Variants in CACNG6 observed in about 807,000 individuals in gnomAD.
CACNG6 encodes the protein voltage-dependent calcium channel gamma-6 subunit.
A neutral mutation model predicts 23.9 loss-of-function variants in CACNG6; 21 were observed. The observed-to-expected ratio is 0.88, with a 90% CI of 0.62 to 1.26. The LOEUF (loss-of-function observed/expected upper bound fraction) is 1.26, where lower values mean the gene tolerates loss of function less well. Among genes scored for constraint, CACNG6 ranks in the 50% most tolerant of loss-of-function variants. The probability of loss-of-function intolerance (pLI) is 0.00; values close to 1 mark genes in which losing one functional copy is unlikely to be tolerated. For missense variants in CACNG6, 340 were observed against 352.9 expected, an observed-to-expected ratio of 0.96 and a Z score of 0.29; for synonymous variants, 182 against 168.9, an observed-to-expected ratio of 1.08 and a Z score of -0.60.
In CACNG6 at chr19:54,002,275, G is replaced by GTTTTTTTTTTTTTTTTTTTTT. The variant is rs1174799698; in HGVS notation, c.544+2512_544+2513insTTTTTTTTTTTTTTTTTTTTT. Among the ~76,000 whole-genome samples, 14 of 116,434 alleles carry GTTTTTTTTTTTTTTTTTTTTT rather than the reference G, an allele frequency of 1.2e-4. 1 individual carries two copies. The highest frequency in any genetic ancestry group is 2.3e-4 in the African/African-American group (5 of 21,586). The allele number at this position is 116,434 out of a possible 152,430, so 76.4% of individuals were successfully genotyped here. A position where few individuals can be genotyped will look rare whatever the true frequency, so the allele number is the denominator to read the frequency against. On this transcript the variant is annotated intron_variant, in intron 3 of 3. Coordinates refer to ENST00000252729, the MANE Select transcript of CACNG6 (RefSeq NM_145814.2). The stretch of plus-strand genomic sequence containing the variant: ...AGCCCGGCTAATTTTCGGTTTTTTT[G>GTTTTTTTTTTTTTTTTTTTTT]TTTTTTTTGTTTTTTTTTTTTTTGT...
In CACNG6 at chr19:54,004,335, T is replaced by TGTG. The variant is rs1411422394; in HGVS notation, c.544+4564_544+4565insGTG. Among the ~76,000 whole-genome samples the TGTG allele has an allele frequency of 3.9e-3, 420 of 107,320 alleles. 14 individuals carry two copies. Among genetic ancestry groups the TGTG allele is most frequent in the African/African-American group, 0.016 (394 of 25,278 alleles). The allele number at this position is 107,320 out of a possible 152,430, so 70.4% of individuals were successfully genotyped here. A position where few individuals can be genotyped will look rare whatever the true frequency, so the allele number is the denominator to read the frequency against. On this transcript the variant is annotated intron_variant, in intron 3 of 3. Coordinates refer to ENST00000252729, the MANE Select transcript of CACNG6 (RefSeq NM_145814.2). ...ACCACGCCTGGTTAATTTTGTATTT[T>TGTG]TGTGTGTGTGTGTGTGTGTGTGTGT...
chr19:53,996,316 C>T lies in CACNG6; in HGVS notation c.332-1923C>T, dbSNP rs74500210. 5.0e-3 allele frequency among the ~76,000 whole-genome samples: 760 copies of T among 151,038 alleles called. 20 individuals carry two copies. In the East Asian group the frequency reaches 0.055, roughly 11 times the overall value. ...TCTAAAATGCACTTCAGAAAGTGCT[C>T]CCCTCCCTTCCTTCATTTCTCCTTC... On this transcript the variant is annotated intron_variant, in intron 1 of 3. Coordinates refer to ENST00000252729, the MANE Select transcript of CACNG6 (RefSeq NM_145814.2).
Position 54,012,174 on chromosome 19 carries a change from G to T in CACNG6, c.768G>T (p.Gly256=), listed in dbSNP as rs766454497. Residue 256 remains glycine (G), a synonymous_variant, in exon 4 of 4, where the codon GGG becomes GGT. Coordinates refer to ENST00000252729, the MANE Select transcript of CACNG6 (RefSeq NM_145814.2). The part of the protein sequence containing the change: ...WPWGSLCPKR[G]HRAT ...GGGGGTCCCTCTGTCCCAAGCGGGG[G>T]CACCGGGCCACCTAGAGCCACGCGT... 2.1e-6 allele frequency: 3 copies of T among 1,420,614 alleles called. No homozygotes were observed. The highest frequency in any genetic ancestry group is 1.9e-6 in the Non-Finnish European group (2 of 1,072,358). The allele number at this position is 1,420,614 out of a possible 1,614,324, so 88.0% of individuals were successfully genotyped here. A position where few individuals can be genotyped will look rare whatever the true frequency, so the allele number is the denominator to read the frequency against.
chr19:53,997,150 G>A (rs71365418), intron 1 of CACNG6, among the ~76,000 whole-genome samples: 10,455 of 152,086 alleles, frequency 0.069, 569 homozygotes, highest in East Asian at 0.21. Context: ...GATTACAGGT[G>A]TGAGCCACCT....
intron 3 of CACNG6, among the ~76,000 whole-genome samples, chr19:54,008,878 G>A (rs1480005424): frequency 6.6e-6 from 1 of 152,164 alleles, no homozygotes; most frequent in Non-Finnish European, 1.5e-5. Flanking sequence ...TTGCAACCTG[G>A]CAGCCTGCAG....
intron 3 of CACNG6, among the ~76,000 whole-genome samples, chr19:54,002,873 G>A (rs1216366708): frequency 6.6e-6 from 1 of 152,134 alleles, no homozygotes; most frequent in Non-Finnish European, 1.5e-5. Context: ...TGTTCAGGTT[G>A]TCTTGTTTCT....
upstream of CACNG6, among the ~76,000 whole-genome samples, chr19:53,991,400 G>GCGC (rs1421048496): frequency 1.3e-5 from 2 of 151,650 alleles, no homozygotes; most frequent in East Asian, 3.9e-4. Flanking sequence ...GGGACTCTCG[G>GCGC]CGCCGCTCTT....
In CACNG6 at chr19:53,993,217, C is replaced by T; in HGVS notation, c.331+9C>T. On this transcript the variant is annotated intron_variant, in intron 1 of 3. Transcript: ENST00000252729. ...CGCGGAGCTGCCCGGAGGTGAGCAGCCGCCGCCCCGAGCGCAGGGCTTGCG... is the reference window on the plus strand; with the variant it reads ...CGCGGAGCTGCCCGGAGGTGAGCAGTCGCCGCCCCGAGCGCAGGGCTTGCG... 6.5e-7 allele frequency: 1 copy of T among 1,531,108 alleles called. No individual in the cohort carries two copies. The highest frequency in any genetic ancestry group is 8.8e-7 in the Non-Finnish European group (1 of 1,142,814). 94.8% of individuals were successfully genotyped at this position (1,531,108 alleles called of 1,614,324 possible).
At chr19:53,999,561 G>C in intron 2 of CACNG6, 73 bp from the exon 3 acceptor site, 1 of 1,525,478 alleles carries the variant, frequency 6.6e-7, no homozygotes, top group Non-Finnish European at 8.8e-7. Flanking sequence ...CCTGGTTCTG[G>C]GTTCCTATGG....
intron 3 of CACNG6, among the ~76,000 whole-genome samples, chr19:54,002,245 C>T (rs1264057126): frequency 1.3e-5 from 2 of 151,062 alleles, no homozygotes; most frequent in African/African-American, 2.4e-5. Flanking sequence ...AGGTGCATGC[C>T]GCCAAGCCCG....
At chr19:54,004,335 TTGTGTGTGTGTG>T (rs4022332) in intron 3 of CACNG6, among the ~76,000 whole-genome samples, 4,128 of 107,234 alleles carry the variant, frequency 0.038, 108 homozygotes, top group East Asian at 0.093. Context: ...TTTTGTATTT[TTGTGTGTGTGTG>T]TGTGTGTGTG....
intron 1 of CACNG6, among the ~76,000 whole-genome samples, chr19:53,996,863 ATTT>A (rs35192974): frequency 6.1e-5 from 6 of 98,558 alleles, no homozygotes; most frequent in South Asian, 3.2e-4. Context: ...GATCTTTGGG[ATTT>A]TTTTTTTTTT....
intron 2 of CACNG6, among the ~76,000 whole-genome samples, chr19:53,999,430 G>A (rs1017891246): frequency 6.6e-6 from 1 of 152,134 alleles, no homozygotes; most frequent in East Asian, 1.9e-4. Context: ...CCTTTGCTCA[G>A]TGACTTTAGA....
At chr19:54,002,081 A>ATC (rs1182364370) in intron 3 of CACNG6, among the ~76,000 whole-genome samples, 1 of 145,154 alleles carries the variant, frequency 6.9e-6, no homozygotes, top group Non-Finnish European at 1.5e-5. Context: ...GTCTCTTTCT[A>ATC]TCTCTCTCTT....
chr19:54,011,907 TG>T, intron 3 of CACNG6, 43 bp from the exon 4 acceptor site: 1 of 1,346,566 alleles, frequency 7.4e-7, no homozygotes, highest in Non-Finnish European at 9.8e-7. Context: ...CAGACACAGC[TG>T]GGGTCGCGGG....
intron 3 of CACNG6, among the ~76,000 whole-genome samples, chr19:54,002,284 G>GTTTTTTTTTTTTTTTTTTTTTTTTTT (rs139176353): frequency 1.7e-5 from 2 of 117,428 alleles, no homozygotes; most frequent in Non-Finnish European, 3.3e-5. Context: ...TGTTTTTTTT[G>GTTTTTTTTTTTTTTTTTTTTTTTTTT]TTTTTTTTTT....
At chr19:53,997,402 A>C (rs2145955575) in intron 1 of CACNG6, among the ~76,000 whole-genome samples, 1 of 151,846 alleles carries the variant, frequency 6.6e-6, no homozygotes, top group South Asian at 2.1e-4. Context: ...GCTGCTGTAA[A>C]CATCTGCATA....
chr19:54,004,677 C>T (rs1031112698), intron 3 of CACNG6, among the ~76,000 whole-genome samples: 3 of 152,132 alleles, frequency 2.0e-5, no homozygotes, highest in African/African-American at 4.8e-5. Flanking sequence ...CTCCCTGCTC[C>T]GGCCACGCCA....
In CACNG6 at chr19:54,012,060, C is replaced by CT. The variant is rs1466189510; in HGVS notation, c.655dup (p.Trp219LeufsTer51). The CT allele has an allele frequency of 1.9e-6, 3 of 1,605,150 alleles. No homozygotes were observed. Among genetic ancestry groups the CT allele is most frequent in the Non-Finnish European group, 2.6e-6 (3 of 1,176,430 alleles). Reference sequence around the variant, plus strand: ...CCCCACGCCTCACCTACGAGTACTCCTGGTCCCTGGGCTGCGGCGTGGGGG... The same window carrying CT: ...CCCCACGCCTCACCTACGAGTACTCCTTGGTCCCTGGGCTGCGGCGTGGGGG... On this transcript the variant is annotated frameshift_variant, in exon 4 of 4. Transcript: ENST00000252729. LOFTEE classifies it high-confidence loss of function.
Sources: gnomAD v4.1 joint callset for allele counts (sites outside exome capture counted in the v4.1 genomes callset) on GRCh38, gnomAD v4.1.1 for gene constraint, MANE v1.5 for transcripts, NCBI Gene and HGNC (gene_info 2026-07-23, HGNC 2026-07-21) for gene names.